Variants in KCNQ1 observed in about 807,000 individuals in gnomAD.
KCNQ1 encodes the protein potassium voltage-gated channel subfamily KQT member 1.
A neutral mutation model predicts 72.4 loss-of-function variants in KCNQ1; 49 were observed. The observed-to-expected ratio is 0.68, with a 90% confidence interval of 0.54 to 0.86. The LOEUF is 0.86. KCNQ1 is among the 40% of genes least tolerant of loss of function. The pLI is 0.00. For synonymous variants in KCNQ1, 450 were observed against 412.6 expected (o/e 1.09, Z -1.10); for missense variants, 790 against 945.1 (o/e 0.84, Z 2.15).
chr11:2,569,975 T>C (rs991687800), intron 2 of KCNQ1, among the ~76,000 whole-genome samples: 1 of 152,160 alleles, frequency 6.6e-6, no homozygotes, highest in African/African-American at 2.4e-5. Flanking sequence ...GGTGACTCCC[T>C]GTAAGGGCAA....
At chr11:2,660,026 C>T (rs1344208131) in intron 10 of KCNQ1, 1 of 398,304 alleles carries the variant, frequency 2.5e-6, no homozygotes, top group Non-Finnish European at 4.4e-6. Flanking sequence ...TGTTGCACAG[C>T]AAAAGCTTTT....
At chr11:2,729,929 A>G (rs1845824831) in intron 11 of KCNQ1, among the ~76,000 whole-genome samples, 1 of 152,112 alleles carries the variant, frequency 6.6e-6, no homozygotes, top group Non-Finnish European at 1.5e-5. Flanking sequence ...GGTGAATCTC[A>G]TGGTGTCAGG....
Position 2,695,536 on chromosome 11 carries a change from C to T in KCNQ1, c.1514+33455C>T. 1 of 398,688 alleles carries T rather than the reference C, an allele frequency of 2.5e-6. No homozygotes were observed. Among genetic ancestry groups the T allele is most frequent in the Non-Finnish European group, 4.4e-6 (1 of 226,132 alleles). The allele number at this position is 398,688 out of a possible 1,614,324, so 24.7% of individuals were successfully genotyped here. On this transcript the variant is annotated intron_variant, in intron 11 of 15. Coordinates refer to ENST00000155840, the MANE Select transcript of KCNQ1 (RefSeq NM_000218.3). This position sits in a 1 kb window ranked among gnomAD's most constrained non-coding sequence, Gnocchi z 5.2. Reference sequence around the variant, plus strand: ...ACCACAGTGACCAGCTCCAACTGCCCACCCCTATGGGCCATGCTGCCCTGA... The same window carrying T: ...ACCACAGTGACCAGCTCCAACTGCCTACCCCTATGGGCCATGCTGCCCTGA...
chr11:2,513,090 C>T (rs894415123), intron 1 of KCNQ1, among the ~76,000 whole-genome samples: 1 of 152,028 alleles, frequency 6.6e-6, no homozygotes, highest in African/African-American at 2.4e-5. Context: ...GAGGAGAAAG[C>T]CATGATGCTG....
Position 2,783,359 on chromosome 11 carries a change from G to A in KCNQ1, c.1794+5322G>A, listed in dbSNP as rs988245580. ...TAGAATGTTTTGAAATATGATTTACGGCAAAAATGTGGTCAATTTTTGTAA... is the reference window on the plus strand; with the variant it reads ...TAGAATGTTTTGAAATATGATTTACAGCAAAAATGTGGTCAATTTTTGTAA... On this transcript the variant is annotated intron_variant, in intron 15 of 15. Transcript: ENST00000155840. This position sits in a 1 kb window ranked among gnomAD's most constrained non-coding sequence, Gnocchi z 5.2. Among the ~76,000 whole-genome samples the A allele has an allele frequency of 2.0e-5, 3 of 151,956 alleles. No homozygotes were observed. Among genetic ancestry groups the A allele is most frequent in the African/African-American group, 4.8e-5 (2 of 41,390 alleles).
chr11:2,685,121 T>C (rs231354), intron 11 of KCNQ1: 237,068 of 398,494 alleles, frequency 0.59, 74,783 homozygotes, highest in East Asian at 0.9. Context: ...GGGGGTCTGA[T>C]GGTCAGAGCT....
At position 2,653,817 on chromosome 11, in the gene KCNQ1, C is replaced by T; in HGVS notation, c.1394-8144C>T. The stretch of plus-strand genomic sequence containing the variant: ...TACCTCCGATGGCTGAGGCAAGGTC[C>T]ACAGGGACCCCTTTGGGGATGGCCA... On this transcript the variant is annotated intron_variant, in intron 10 of 15. Coordinates refer to ENST00000155840, the MANE Select transcript of KCNQ1 (RefSeq NM_000218.3). The surrounding 1 kb of genome is among the most constrained non-coding windows in gnomAD (Gnocchi z 5.3). The T allele has an allele frequency of 2.5e-6, 1 of 398,676 alleles. No individual in the cohort carries two copies. Among genetic ancestry groups the T allele is most frequent in the Non-Finnish European group, 4.4e-6 (1 of 226,104 alleles). The allele number at this position is 398,676 out of a possible 1,614,324, so 24.7% of individuals were successfully genotyped here.
At position 2,725,243 on chromosome 11, in the gene KCNQ1, A is replaced by G. The variant is rs1203508215; in HGVS notation, c.1515-43601A>G. ...AGCCTAAGACAAGTTCCCAGAATCCATCCGGGACAGACGGCTGGACTTGTG... is the reference window on the plus strand; with the variant it reads ...AGCCTAAGACAAGTTCCCAGAATCCGTCCGGGACAGACGGCTGGACTTGTG... On this transcript the variant is annotated intron_variant, in intron 11 of 15. Transcript: ENST00000155840. The surrounding 1 kb of genome is among the most constrained non-coding windows in gnomAD (Gnocchi z 7.2). Among the ~76,000 whole-genome samples the G allele has an allele frequency of 6.6e-6, 1 of 152,224 alleles. No individual in the cohort carries two copies. The highest frequency in any genetic ancestry group is 2.4e-5 in the African/African-American group (1 of 41,452).
intron 2 of KCNQ1, among the ~76,000 whole-genome samples, chr11:2,532,223 G>A (rs1398042993): frequency 6.6e-6 from 1 of 152,178 alleles, no homozygotes; most frequent in Non-Finnish European, 1.5e-5. Flanking sequence ...ACTCCCTGAG[G>A]GTGGGACCCC....
rs1031685239 is a variant in KCNQ1, at chr11:2,577,423, C to T, written c.921+4437C>T. 2.3e-4 allele frequency among the ~76,000 whole-genome samples: 35 copies of T among 152,168 alleles called. 1 individual carries two copies. The highest frequency in any genetic ancestry group is 6.5e-5 in the Admixed American group (1 of 15,288). On this transcript the variant is annotated intron_variant, in intron 6 of 15. Transcript: ENST00000155840. Reference sequence around the variant, plus strand: ...AGACACAGTCACCTGGGCCACCTTCCGGCAGGGCGCTGAGCCTGGCTGTAC... The same window carrying T: ...AGACACAGTCACCTGGGCCACCTTCTGGCAGGGCGCTGAGCCTGGCTGTAC...
chr11:2,666,202 C>T (rs965096344), intron 11 of KCNQ1: 1 of 398,610 alleles, frequency 2.5e-6, no homozygotes. Flanking sequence ...TCCCACTCTC[C>T]AGAGGGACAC....
rs970792015 is a variant in KCNQ1 at position 2,657,737 on chromosome 11, G to A, written c.1394-4224G>A. ...ATTACATTTATTGTCATCTCTGATC[G>A]GTGACGGGCTTCTCAGTCTTGTTCT... On this transcript the variant is annotated intron_variant, in intron 10 of 15. Coordinates refer to ENST00000155840, the MANE Select transcript of KCNQ1 (RefSeq NM_000218.3). The surrounding 1 kb of genome is among the most constrained non-coding windows in gnomAD (Gnocchi z 4.8). 4.0e-5 allele frequency: 16 copies of A among 398,356 alleles called. No individual in the cohort carries two copies. Among genetic ancestry groups the A allele is most frequent in the African/African-American group, 1.4e-4 (7 of 48,564 alleles). 24.7% of individuals were successfully genotyped at this position (398,356 alleles called of 1,614,324 possible).
rs141303216 is a variant in KCNQ1, at chr11:2,608,153, CCTTCT to C, written c.1393+19305_1393+19309del. Among the ~76,000 whole-genome samples, 36 of 152,150 alleles carry C rather than the reference CCTTCT, an allele frequency of 2.4e-4. No individual in the cohort carries two copies. In the East Asian group the frequency reaches 2.5e-3, roughly 11 times the overall value. ...TGAAAGAATGTATTGGAAAAATTTT[CCTTCT>C]CTTCTATTTTTTTGTTGTTGGAAGA... is the stretch of plus-strand genomic sequence containing the variant. On this transcript the variant is annotated intron_variant, in intron 10 of 15. Coordinates refer to ENST00000155840, the MANE Select transcript of KCNQ1 (RefSeq NM_000218.3). The surrounding 1 kb of genome is among the most constrained non-coding windows in gnomAD (Gnocchi z 4.6).
At chr11:2,469,762 C>T (rs555472737) in intron 1 of KCNQ1, among the ~76,000 whole-genome samples, 20 of 152,230 alleles carry the variant, frequency 1.3e-4, no homozygotes, top group African/African-American at 4.6e-4. Context: ...CAAGCTCCGC[C>T]TTCCGGGTTC....
chr11:2,517,744 T>C (rs1249864270), intron 1 of KCNQ1, among the ~76,000 whole-genome samples: 3 of 152,176 alleles, frequency 2.0e-5, no homozygotes, highest in African/African-American at 7.2e-5. Flanking sequence ...TGCCTGCACG[T>C]CCTGCCCGCT....
At position 2,658,958 on chromosome 11, in the gene KCNQ1, C is replaced by T. The variant is rs1370116778; in HGVS notation, c.1394-3003C>T. The T allele has an allele frequency of 2.5e-6, 1 of 398,442 alleles. No individual in the cohort carries two copies. The highest frequency in any genetic ancestry group is 3.6e-5 in the East Asian group (1 of 28,078). 24.7% of individuals were successfully genotyped at this position (398,442 alleles called of 1,614,324 possible). Reference sequence around the variant, plus strand: ...TTAGAGTGTTTAGGACAGACTTTTGCTTTAACCATAGAGTGTCCAGTCAAA... The same window carrying T: ...TTAGAGTGTTTAGGACAGACTTTTGTTTTAACCATAGAGTGTCCAGTCAAA... On this transcript the variant is annotated intron_variant, in intron 10 of 15. Coordinates refer to ENST00000155840, the MANE Select transcript of KCNQ1 (RefSeq NM_000218.3). This position sits in a 1 kb window ranked among gnomAD's most constrained non-coding sequence, Gnocchi z 4.9.
Position 2,803,288 on chromosome 11 carries a change from C to T in KCNQ1, c.1794+25251C>T, listed in dbSNP as rs933671002. ...CCCTAGTCAGGAAAAAATAGGGCCC[C>T]GGAGTCAGCAAGGGCTTCCTGGGGG... On this transcript the variant is annotated intron_variant, in intron 15 of 15. Coordinates refer to ENST00000155840, the MANE Select transcript of KCNQ1 (RefSeq NM_000218.3). This position sits in a 1 kb window ranked among gnomAD's most constrained non-coding sequence, Gnocchi z 6.4. Among the ~76,000 whole-genome samples the T allele has an allele frequency of 2.0e-5, 3 of 152,184 alleles. No homozygotes were observed. The highest frequency in any genetic ancestry group is 4.8e-5 in the African/African-American group (2 of 41,452).
At chr11:2,467,569 C>T (rs1056268044) in intron 1 of KCNQ1, among the ~76,000 whole-genome samples, 4 of 152,188 alleles carry the variant, frequency 2.6e-5, no homozygotes, top group South Asian at 4.1e-4. Flanking sequence ...ATTGAGATCA[C>T]GTCAGGGTGC....
chr11:2,721,629 G>A (rs1057336346), intron 11 of KCNQ1, among the ~76,000 whole-genome samples: 1 of 152,250 alleles, frequency 6.6e-6, no homozygotes, highest in Non-Finnish European at 1.5e-5. Flanking sequence ...AGTTGGTGGG[G>A]GCAGCAGAGC....
Sources: gnomAD v4.1 joint callset for allele counts (sites outside exome capture counted in the v4.1 genomes callset) on GRCh38, gnomAD v4.1.1 for gene constraint, Gnocchi (gnomAD v3.1) non-coding constraint, MANE v1.5 for transcripts, NCBI Gene and HGNC (gene_info 2026-07-23, HGNC 2026-07-21) for gene names.